The following CREB3L3 variants were observed in gnomAD, a reference collection of about 807,000 sequenced individuals.
CREB3L3 encodes the protein cyclic AMP-responsive element-binding protein 3-like protein 3.
A neutral mutation model predicts 44.6 loss-of-function variants in CREB3L3; 40 were observed. That is an observed-to-expected ratio of 0.90 (90% CI 0.70 to 1.17). CREB3L3 has a LOEUF of 1.17. Ranked by LOEUF, CREB3L3 falls within the 50% of genes most tolerant of loss-of-function variation. CREB3L3 has a pLI of 0.00. For missense variants in CREB3L3, 578 were observed against 595.8 expected, an observed-to-expected ratio of 0.97 and a Z score of 0.31; for synonymous variants, 273 against 256.3, an observed-to-expected ratio of 1.06 and a Z score of -0.62.
chr19:4,155,140 C>T (rs1026932620), intron 2 of CREB3L3, 113 bp downstream of exon 2: 13 of 1,337,138 alleles, frequency 9.7e-6, no homozygotes, highest in African/African-American at 5.7e-5. Flanking sequence ...CTCAGCTCTA[C>T]GATGCACTAA....
chr19:4,157,929 C>A (rs754319115), intron 3 of CREB3L3, among the ~76,000 whole-genome samples: 1 of 151,922 alleles, frequency 6.6e-6, no homozygotes, highest in Non-Finnish European at 1.5e-5. Flanking sequence ...AGGTGATCTG[C>A]CCACCTCAGC....
At chr19:4,165,530 G>C (rs1011446565) in intron 5 of CREB3L3, among the ~76,000 whole-genome samples, 1 of 151,898 alleles carries the variant, frequency 6.6e-6, no homozygotes, top group Non-Finnish European at 1.5e-5. Flanking sequence ...TGAATTGCTT[G>C]ATAATGTTTT....
At chr19:4,155,867 CTT>C (rs1368541579) in intron 2 of CREB3L3, among the ~76,000 whole-genome samples, 2 of 151,612 alleles carry the variant, frequency 1.3e-5, no homozygotes, top group African/African-American at 4.8e-5. Context: ...CCTACCTCAA[CTT>C]CCCGAGTAGC....
At chr19:4,167,502 GAGAA>G (rs1428261028) in intron 5 of CREB3L3, among the ~76,000 whole-genome samples, 9 of 121,316 alleles carry the variant, frequency 7.4e-5, no homozygotes, top group Non-Finnish European at 1.3e-4. Flanking sequence ...GAAAGAGAAA[GAGAA>G]AGAGAGAAAG....
intron 4 of CREB3L3, among the ~76,000 whole-genome samples, chr19:4,164,072 C>T (rs2045486714): frequency 6.8e-6 from 1 of 148,024 alleles, no homozygotes; most frequent in Non-Finnish European, 1.5e-5. Flanking sequence ...CTTCTGGGTT[C>T]AAGCGATTCT....
At chr19:4,167,508 G>GAGAGAA (rs1178488919) in intron 5 of CREB3L3, among the ~76,000 whole-genome samples, 7,555 of 119,268 alleles carry the variant, frequency 0.063, 462 homozygotes, top group East Asian at 0.26. Flanking sequence ...GAAAGAGAAA[G>GAGAGAA]AGAGAAAGAG....
intron 4 of CREB3L3, among the ~76,000 whole-genome samples, chr19:4,162,202 C>T (rs2041669911): frequency 6.6e-6 from 1 of 151,978 alleles, no homozygotes; most frequent in South Asian, 2.1e-4. Flanking sequence ...GACGGGGTTT[C>T]ACCATGTTGG....
At chr19:4,166,698 A>G (rs1966914126) in intron 5 of CREB3L3, among the ~76,000 whole-genome samples, 1 of 148,934 alleles carries the variant, frequency 6.7e-6, no homozygotes, top group African/African-American at 2.5e-5. Flanking sequence ...GCCTGGCCCC[A>G]TCTGTTTCTA....
At chr19:4,168,246 G>A (rs1413078533) in intron 5 of CREB3L3, 105 bp from the exon 6 acceptor site, 8 of 769,098 alleles carry the variant, frequency 1.0e-5, no homozygotes, top group African/African-American at 7.0e-5. Flanking sequence ...TGATACGCCT[G>A]CCTCGGCCTC....
At chr19:4,156,478 T>C (rs1465452570) in intron 2 of CREB3L3, among the ~76,000 whole-genome samples, 4 of 137,844 alleles carry the variant, frequency 2.9e-5, no homozygotes, top group Non-Finnish European at 6.3e-5. Context: ...TGAGCCACCG[T>C]GCCTGGCTCT....
intron 1 of CREB3L3, 107 bp downstream of exon 1, chr19:4,153,881 G>A: frequency 7.9e-7 from 1 of 1,258,612 alleles, no homozygotes; most frequent in South Asian, 1.3e-5. Context: ...GTACAGATGG[G>A]AAGACTGAGG....
rs1249286866 is a variant in CREB3L3, at chr19:4,171,313, C to A, written c.976-70C>A. ...GTCTGGTCTTTGGGGCCTCAGTTTCCCTGCCTGTGGGATGGAGATGCTTGC... is the reference window on the plus strand; with the variant it reads ...GTCTGGTCTTTGGGGCCTCAGTTTCACTGCCTGTGGGATGGAGATGCTTGC... On this transcript the variant is annotated intron_variant, in intron 8 of 9. Transcript: ENST00000078445. The surrounding 1 kb of genome is among the most constrained non-coding windows in gnomAD (Gnocchi z 4.9). 1.3e-6 allele frequency: 2 copies of A among 1,523,556 alleles called. No homozygotes were observed. The highest frequency in any genetic ancestry group is 1.8e-6 in the Non-Finnish European group (2 of 1,101,412). The allele number at this position is 1,523,556 out of a possible 1,614,324, so 94.4% of individuals were successfully genotyped here.
At chr19:4,159,892 G>C (rs2041637040) in intron 4 of CREB3L3, 110 bp downstream of exon 4, 1 of 725,606 alleles carries the variant, frequency 1.4e-6, no homozygotes, top group Admixed American at 1.9e-5. Flanking sequence ...TCACAGAAAG[G>C]CGTGGAATTT....
chr19:4,167,711 G>A (rs936146767), intron 5 of CREB3L3, among the ~76,000 whole-genome samples: 1 of 152,104 alleles, frequency 6.6e-6, no homozygotes, highest in African/African-American at 2.4e-5. Flanking sequence ...AAGTCTGGTG[G>A]GCAGTTGCCC....
At position 4,171,609 on chromosome 19, in the gene CREB3L3, A is replaced by T. The variant is rs1170833213; in HGVS notation, c.1073-47A>T. ...TGGGGGCCAGGGAAGGGAGCATAGG[A>T]CCCCACCTCCACCTTGTCCCCTGTG... On this transcript the variant is annotated intron_variant, in intron 9 of 9. Transcript: ENST00000078445. The surrounding 1 kb of genome is among the most constrained non-coding windows in gnomAD (Gnocchi z 4.9). The T allele has an allele frequency of 6.2e-7, 1 of 1,605,260 alleles. No homozygotes were observed. Among genetic ancestry groups the T allele is most frequent in the Non-Finnish European group, 8.5e-7 (1 of 1,172,614 alleles).
chr19:4,169,673 C>G (rs1967000488), intron 6 of CREB3L3, among the ~76,000 whole-genome samples: 1 of 148,690 alleles, frequency 6.7e-6, no homozygotes, highest in African/African-American at 2.5e-5. Flanking sequence ...CTCACTGCAA[C>G]CTCCACTTCC....
At position 4,157,324 on chromosome 19, in the gene CREB3L3, C is replaced by T. The variant is rs138676672; in HGVS notation, c.457+29C>T. 11,528 of 1,612,094 alleles carry T rather than the reference C, an allele frequency of 7.2e-3. 48 individuals carry two copies. The highest frequency in any genetic ancestry group is 8.4e-3 in the Non-Finnish European group (9,920 of 1,178,234). ...AGTCCTGCTGTGTCTCTGCCCACCG[C>T]CCTCACCTTGTTCCAGGGCCCTTCC... On this transcript the variant is annotated intron_variant, in intron 3 of 9. Transcript: ENST00000078445.
Position 4,171,547 on chromosome 19 carries a change from AG to A in CREB3L3, c.1072+73del, listed in dbSNP as rs1271973992. On this transcript the variant is annotated intron_variant, in intron 9 of 9. Coordinates refer to ENST00000078445, the MANE Select transcript of CREB3L3 (RefSeq NM_032607.3). This position sits in a 1 kb window ranked among gnomAD's most constrained non-coding sequence, Gnocchi z 4.9. ...AGTCCCCGTCCTGGGCCTCTGGGGG[AG>A]GGGGAGAAGACCCCTGTGCCCTTGT... 6.3e-7 allele frequency: 1 copy of A among 1,598,872 alleles called. No homozygotes were observed. Among genetic ancestry groups the A allele is most frequent in the South Asian group, 1.1e-5 (1 of 90,716 alleles).
intron 6 of CREB3L3, among the ~76,000 whole-genome samples, chr19:4,169,027 G>A (rs1315073076): frequency 6.6e-6 from 1 of 151,782 alleles, no homozygotes; most frequent in Non-Finnish European, 1.5e-5. Context: ...GAGCCACTGC[G>A]CCTGGTCTCT....
Sources: allele counts gnomAD v4.1 joint callset (sites outside exome capture counted in the v4.1 genomes callset), GRCh38; gene constraint gnomAD v4.1.1; non-coding constraint Gnocchi (gnomAD v3.1); transcripts MANE v1.5; gene names NCBI Gene and HGNC (gene_info 2026-07-23, HGNC 2026-07-21).